KCNIP4: variants seen among roughly 807,000 people sequenced by gnomAD.
The protein encoded by KCNIP4 is Kv channel-interacting protein 4.
KCNIP4 carries 12 observed loss-of-function variants against 34.0 expected under a neutral mutation model. The ratio of observed to expected loss-of-function variants is 0.35; its 90% CI spans 0.23 to 0.57. KCNIP4 has a LOEUF of 0.57. Among genes scored for constraint, KCNIP4 ranks in the 20% least tolerant of loss-of-function variants. The pLI is 0.83. For synonymous variants in KCNIP4, 124 were observed against 102.2 expected (o/e 1.21, Z -1.29); for missense variants, 238 against 311.7 (o/e 0.76, Z 1.78).
chr4:21,376,783 C>T (rs960609687), intron 1 of KCNIP4, among the ~76,000 whole-genome samples: 1 of 152,300 alleles, frequency 6.6e-6, no homozygotes, highest in African/African-American at 2.4e-5. Context: ...AGTAATTGGT[C>T]CTGTTTAGAC....
At chr4:21,496,314 G>A (rs1732845475) in intron 1 of KCNIP4, among the ~76,000 whole-genome samples, 1 of 152,138 alleles carries the variant, frequency 6.6e-6, no homozygotes, top group African/African-American at 2.4e-5. Flanking sequence ...GAACAAGTCA[G>A]TGGCTTGTAA....
At chr4:21,629,272 C>T (rs1457420418) in intron 1 of KCNIP4, among the ~76,000 whole-genome samples, 1 of 152,066 alleles carries the variant, frequency 6.6e-6, no homozygotes, top group South Asian at 2.1e-4. Flanking sequence ...GTTTAAGCAC[C>T]CCAAAAGAAT....
rs139640347 is a variant in KCNIP4 at position 21,139,303 on chromosome 4, T to C, written c.62-256594A>G. On this transcript the variant is annotated intron_variant, in intron 1 of 8. Coordinates refer to ENST00000382152, the MANE Select transcript of KCNIP4 (RefSeq NM_025221.6). The stretch of plus-strand genomic sequence containing the variant: ...AAAAGAGAGACAGATAAGACAAAAA[T>C]AGAAACGTAAACAAAAGTAAGCACC... Among the ~76,000 whole-genome samples the C allele has an allele frequency of 4.6e-5, 7 of 152,246 alleles. No homozygotes were observed. The East Asian group carries it at 5.8e-4, about 13-fold the overall frequency.
intron 1 of KCNIP4, among the ~76,000 whole-genome samples, chr4:21,297,606 T>C (rs1427907635): frequency 7.9e-5 from 12 of 152,154 alleles, no homozygotes; most frequent in Non-Finnish European, 1.3e-4. Flanking sequence ...TTCGTCTCTC[T>C]GGGACTCAGT....
chr4:21,126,357 A>C (rs1433491), intron 1 of KCNIP4, among the ~76,000 whole-genome samples: 1 of 151,818 alleles, frequency 6.6e-6, no homozygotes. Context: ...TGTTTGTTTC[A>C]CATACAGTAT....
intron 1 of KCNIP4, among the ~76,000 whole-genome samples, chr4:21,372,037 G>T (rs1720496583): frequency 6.8e-6 from 1 of 147,114 alleles, no homozygotes; most frequent in Admixed American, 6.6e-5. Context: ...GCCACAATGT[G>T]CTAGAAACAA....
At chr4:21,605,567 G>T (rs903311336) in intron 1 of KCNIP4, among the ~76,000 whole-genome samples, 1 of 151,702 alleles carries the variant, frequency 6.6e-6, no homozygotes, top group Non-Finnish European at 1.5e-5. Context: ...TGCAACCTTT[G>T]TCTCCCAGGT....
At chr4:21,500,688 T>C (rs1256892584) in intron 1 of KCNIP4, among the ~76,000 whole-genome samples, 1 of 152,142 alleles carries the variant, frequency 6.6e-6, no homozygotes, top group African/African-American at 2.4e-5. Flanking sequence ...AACTCAACAG[T>C]AAAAGTACTG....
intron 2 of KCNIP4, among the ~76,000 whole-genome samples, chr4:20,858,211 C>CAAAAAAAAAAAAA (rs778798968): frequency 1.4e-5 from 1 of 70,708 alleles, no homozygotes. Context: ...AACTCCATCT[C>CAAAAAAAAAAAAA]AAAAAAAAAA....
At chr4:21,476,168 T>G (rs905389752) in intron 1 of KCNIP4, among the ~76,000 whole-genome samples, 4 of 152,220 alleles carry the variant, frequency 2.6e-5, no homozygotes, top group Non-Finnish European at 5.9e-5. Context: ...AAATACCTTC[T>G]GCATTTTATA....
chr4:21,393,324 A>G (rs1373987445), intron 1 of KCNIP4, among the ~76,000 whole-genome samples: 1 of 152,076 alleles, frequency 6.6e-6, no homozygotes, highest in African/African-American at 2.4e-5. Context: ...TTTTTTTTCA[A>G]TGAATTTAAC....
chr4:21,602,474 G>C (rs968105839), intron 1 of KCNIP4, among the ~76,000 whole-genome samples: 1 of 151,944 alleles, frequency 6.6e-6, no homozygotes, highest in Non-Finnish European at 1.5e-5. Context: ...GTGATGATCA[G>C]AGTGATGGAG....
chr4:21,045,609 C>A (rs1014114938), intron 1 of KCNIP4, among the ~76,000 whole-genome samples: 1 of 152,132 alleles, frequency 6.6e-6, no homozygotes, highest in South Asian at 2.1e-4. Context: ...TCCCACTGAA[C>A]GTAGATCGTG....
chr4:21,156,293 A>C (rs1753141885), intron 1 of KCNIP4, among the ~76,000 whole-genome samples: 4 of 152,172 alleles, frequency 2.6e-5, no homozygotes, highest in Admixed American at 1.3e-4. Context: ...ATTTTGGTGA[A>C]TGCTCATGAC....
intron 3 of KCNIP4, among the ~76,000 whole-genome samples, chr4:20,826,371 T>C (rs1363613646): frequency 4.6e-5 from 7 of 152,048 alleles, no homozygotes; most frequent in African/African-American, 1.7e-4. Flanking sequence ...GCCTAGGAGT[T>C]TGAGACTAGC....
At chr4:21,389,812 T>C (rs1418556150) in intron 1 of KCNIP4, among the ~76,000 whole-genome samples, 2 of 152,144 alleles carry the variant, frequency 1.3e-5, no homozygotes, top group Non-Finnish European at 2.9e-5. Context: ...TTTGGGCATA[T>C]ACCCAGTAAT....
chr4:21,068,209 T>C (rs1329084904), intron 1 of KCNIP4, among the ~76,000 whole-genome samples: 1 of 152,168 alleles, frequency 6.6e-6, no homozygotes, highest in Non-Finnish European at 1.5e-5. Flanking sequence ...TCCCTTTTTC[T>C]GGTACCACTC....
intron 1 of KCNIP4, among the ~76,000 whole-genome samples, chr4:21,501,688 T>TTGTGTGTGTGTGTGTGTGTGTG (rs370071298): frequency 0.096 from 12,208 of 126,934 alleles, 988 homozygotes; most frequent in African/African-American, 0.11. Flanking sequence ...TGCAGAAGCC[T>TTGTGTGTGTGTGTGTGTGTGTG]TGTGTGTGTG....
At chr4:21,284,695 T>C (rs1256465530) in intron 1 of KCNIP4, among the ~76,000 whole-genome samples, 1 of 152,066 alleles carries the variant, frequency 6.6e-6, no homozygotes, top group African/African-American at 2.4e-5. Flanking sequence ...AGAATGGACT[T>C]AAATATACCT....
Sources: allele counts gnomAD v4.1 joint callset (sites outside exome capture counted in the v4.1 genomes callset), GRCh38; gene constraint gnomAD v4.1.1; transcripts MANE v1.5; gene names NCBI Gene and HGNC (gene_info 2026-07-23, HGNC 2026-07-21).